MYO3A: variants seen among roughly 807,000 people sequenced by gnomAD.
MYO3A encodes the protein myosin IIIA.
MYO3A carries 180 observed loss-of-function variants against 192.7 expected under a neutral mutation model. The observed-to-expected ratio is 0.93, with a 90% confidence interval of 0.83 to 1.06. The LOEUF (loss-of-function observed/expected upper bound fraction) is 1.06, where lower values mean the gene tolerates loss of function less well. MYO3A is among the 50% of genes least tolerant of loss of function. MYO3A has a pLI of 0.00. For missense variants in MYO3A, 1,896 were observed against 1,905.0 expected (o/e 1.00, Z 0.09); for synonymous variants, 628 against 645.3 (o/e 0.97, Z 0.41).
chr10:25,964,458 A>G (rs1838139036), intron 4 of MYO3A, among the ~76,000 whole-genome samples: 1 of 152,178 alleles, frequency 6.6e-6, no homozygotes, highest in African/African-American at 2.4e-5. Flanking sequence ...ACAAACAAAC[A>G]AGCAAAAATA....
chr10:26,198,052 CAG>C lies in MYO3A; in HGVS notation c.4546-3212_4546-3211del, dbSNP rs534466323. On this transcript the variant is annotated intron_variant, in intron 32 of 34. Coordinates refer to ENST00000642920, the MANE Select transcript of MYO3A (RefSeq NM_017433.5). The stretch of plus-strand genomic sequence containing the variant: ...ATAGACCACTGTAGTACAGTACTCT[CAG>C]GGGCTGTTGAGTTGTAGAAAATTAT... Among the ~76,000 whole-genome samples, 15 of 152,350 alleles carry C rather than the reference CAG, an allele frequency of 9.8e-5. No homozygotes were observed. The East Asian group carries it at 2.9e-3, about 29-fold the overall frequency.
intron 7 of MYO3A, among the ~76,000 whole-genome samples, chr10:26,021,181 C>A (rs1481105012): frequency 6.6e-6 from 1 of 152,154 alleles, no homozygotes; most frequent in African/African-American, 2.4e-5. Flanking sequence ...ACTGCCCAAT[C>A]TTTAGCTGTG....
At chr10:26,049,892 T>TC (rs1843885881) in intron 10 of MYO3A, among the ~76,000 whole-genome samples, 2 of 151,892 alleles carry the variant, frequency 1.3e-5, no homozygotes, top group Admixed American at 1.3e-4. Context: ...GCTAGGATGG[T>TC]CTCGATCTCA....
At chr10:26,049,448 T>C (rs568535926) in intron 10 of MYO3A, among the ~76,000 whole-genome samples, 1 of 152,118 alleles carries the variant, frequency 6.6e-6, no homozygotes, top group African/African-American at 2.4e-5. Flanking sequence ...TCAAAGGAGA[T>C]AATTTTAAAG....
In MYO3A at chr10:26,114,896, C is replaced by T. The variant is rs181017520; in HGVS notation, c.1777-5780C>T. ...GAGAGCAGAGAATTTCACGGAAACA[C>T]GAAGTCTGGGGTGGAAAAATGAACA... On this transcript the variant is annotated intron_variant, in intron 17 of 34. Coordinates refer to ENST00000642920, the MANE Select transcript of MYO3A (RefSeq NM_017433.5). Among the ~76,000 whole-genome samples the T allele has an allele frequency of 3.3e-5, 5 of 152,010 alleles. No homozygotes were observed. In the East Asian group the frequency reaches 9.7e-4, roughly 29 times the overall value.
intron 6 of MYO3A, among the ~76,000 whole-genome samples, chr10:26,015,472 CTA>C (rs1841938863): frequency 6.6e-6 from 1 of 152,034 alleles, no homozygotes; most frequent in African/African-American, 2.4e-5. Context: ...TTGCATTTTT[CTA>C]TCTTAGCTAT....
intron 4 of MYO3A, among the ~76,000 whole-genome samples, chr10:25,995,165 G>A (rs1438627918): frequency 1.3e-5 from 2 of 152,172 alleles, no homozygotes; most frequent in Admixed American, 6.6e-5. Context: ...CGTAGATTTG[G>A]TCTTTTCACA....
At chr10:26,104,042 T>C (rs1006451720) in intron 17 of MYO3A, among the ~76,000 whole-genome samples, 12 of 152,110 alleles carry the variant, frequency 7.9e-5, no homozygotes, top group Admixed American at 3.9e-4. Context: ...TGGGTTATTG[T>C]CTTTTTATTA....
At chr10:26,197,935 A>G (rs186487841) in intron 32 of MYO3A, among the ~76,000 whole-genome samples, 6 of 152,304 alleles carry the variant, frequency 3.9e-5, no homozygotes, top group African/African-American at 1.2e-4. Flanking sequence ...CTAAACTAGA[A>G]GCTCTATGGA....
chr10:26,057,716 G>C (rs11014938), intron 10 of MYO3A, among the ~76,000 whole-genome samples: 71,765 of 151,908 alleles, frequency 0.47, 17,784 homozygotes, highest in Middle Eastern at 0.59. Context: ...CTGAAGAGAA[G>C]TCAATGGCTA....
chr10:25,999,871 C>G (rs1840677467), intron 6 of MYO3A, among the ~76,000 whole-genome samples: 1 of 152,210 alleles, frequency 6.6e-6, no homozygotes, highest in Non-Finnish European at 1.5e-5. Context: ...TTTCACCTCC[C>G]ACTTATACAA....
intron 14 of MYO3A, among the ~76,000 whole-genome samples, chr10:26,076,326 C>T (rs1273489881): frequency 6.6e-6 from 1 of 152,016 alleles, no homozygotes. Flanking sequence ...ATGTCCTTAA[C>T]CCACTTTTTG....
At chr10:26,062,427 G>A (rs1310170934) in intron 10 of MYO3A, among the ~76,000 whole-genome samples, 3 of 147,200 alleles carry the variant, frequency 2.0e-5, no homozygotes, top group African/African-American at 7.5e-5. Flanking sequence ...TGAGGCAGGA[G>A]AATTGCTTGA....
chr10:26,135,043 A>G (rs1053180044), intron 20 of MYO3A, among the ~76,000 whole-genome samples: 2 of 152,222 alleles, frequency 1.3e-5, no homozygotes, highest in African/African-American at 4.8e-5. Flanking sequence ...CTGAAATATT[A>G]GAAGAAACCT....
chr10:26,177,488 G>A (rs1292629911), intron 31 of MYO3A, among the ~76,000 whole-genome samples: 2 of 152,110 alleles, frequency 1.3e-5, no homozygotes, highest in African/African-American at 4.8e-5. Flanking sequence ...TTCAGGTTGG[G>A]AGGTCTGGCT....
intron 7 of MYO3A, 115 bp from the exon 8 acceptor site, chr10:26,021,388 A>G: frequency 8.0e-7 from 1 of 1,250,668 alleles, no homozygotes; most frequent in Non-Finnish European, 1.2e-6. Flanking sequence ...CTTCGTCTTT[A>G]CTTATAGCTA....
intron 4 of MYO3A, among the ~76,000 whole-genome samples, chr10:25,984,591 C>A (rs758745221): frequency 1.3e-5 from 2 of 152,134 alleles, no homozygotes; most frequent in Non-Finnish European, 2.9e-5. Context: ...AAGCTGTTCT[C>A]TTCTTCTTTC....
chr10:26,099,867 A>T (rs976773671), intron 17 of MYO3A, among the ~76,000 whole-genome samples: 1 of 152,100 alleles, frequency 6.6e-6, no homozygotes, highest in Non-Finnish European at 1.5e-5. Context: ...TTGATCTAAA[A>T]TTCTCCTTTT....
At chr10:26,090,694 A>G (rs902759514) in intron 15 of MYO3A, among the ~76,000 whole-genome samples, 2 of 152,266 alleles carry the variant, frequency 1.3e-5, no homozygotes, top group African/African-American at 4.8e-5. Flanking sequence ...AATTCTTAAT[A>G]GGTACATTTA....
Sources: allele counts gnomAD v4.1 joint callset (sites outside exome capture counted in the v4.1 genomes callset), GRCh38; gene constraint gnomAD v4.1.1; transcripts MANE v1.5; gene names NCBI Gene and HGNC (gene_info 2026-07-23, HGNC 2026-07-21).